EPB41L3: variants seen among roughly 807,000 people sequenced by gnomAD.
EPB41L3 encodes erythrocyte membrane protein band 4.1 like 3.
EPB41L3 carries 57 observed loss-of-function variants against 127.1 expected under a neutral mutation model. That is an observed-to-expected ratio of 0.45 (90% confidence interval 0.36 to 0.56). The LOEUF is 0.56. EPB41L3 is among the 20% of genes least tolerant of loss of function. The pLI, the probability that EPB41L3 is intolerant of heterozygous loss-of-function variation, is 0.00. For missense variants in EPB41L3, 1,273 were observed against 1,372.2 expected (o/e 0.93, Z 1.14); for synonymous variants, 572 against 549.5 (o/e 1.04, Z -0.57).
chr18:5,451,482 C>T (rs891605083), intron 3 of EPB41L3, among the ~76,000 whole-genome samples: 2 of 152,186 alleles, frequency 1.3e-5, no homozygotes, highest in African/African-American at 4.8e-5. Context: ...CTCCTTTGGA[C>T]TTTGTGGCAC....
intron 1 of EPB41L3, among the ~76,000 whole-genome samples, chr18:5,536,254 T>A (rs1022098494): frequency 7.9e-5 from 12 of 151,888 alleles, no homozygotes; most frequent in Admixed American, 1.3e-4. Flanking sequence ...TTAATTTTTT[T>A]AAATATCCTG....
At chr18:5,435,236 G>A (rs1243309894) in intron 6 of EPB41L3, among the ~76,000 whole-genome samples, 2 of 152,198 alleles carry the variant, frequency 1.3e-5, no homozygotes, top group East Asian at 3.9e-4. Flanking sequence ...ATTTATTATT[G>A]AAGAAAGAAA....
At position 5,603,590 on chromosome 18, in the gene EPB41L3, A is replaced by T. The variant is rs558655110; in HGVS notation, c.-306+8750T>A. Among the ~76,000 whole-genome samples the T allele has an allele frequency of 3.1e-3, 475 of 152,322 alleles. 1 individual carries two copies. Among genetic ancestry groups the T allele is most frequent in the Middle Eastern group, 0.01 (3 of 294 alleles). On this transcript the variant is annotated intron_variant, in intron 3 of 21. Transcript: ENST00000545076. ...ATAAGTCAGCAACTGCAGGAGCTAT[A>T]AAATTTGAAGAAGGCTGGGCATGGT...
At chr18:5,555,874 C>T (rs957098807) in intron 3 of EPB41L3, among the ~76,000 whole-genome samples, 5 of 152,200 alleles carry the variant, frequency 3.3e-5, no homozygotes, top group East Asian at 1.9e-4. Flanking sequence ...CCACTCCCGT[C>T]GGCCCAGCCA....
intron 1 of EPB41L3, among the ~76,000 whole-genome samples, chr18:5,528,068 C>T (rs573080857): frequency 3.9e-5 from 6 of 152,286 alleles, no homozygotes; most frequent in South Asian, 2.1e-4. Context: ...AAGAAAGACA[C>T]GTATGGTTAT....
At chr18:5,625,328 T>C (rs980877434) in intron 1 of EPB41L3, among the ~76,000 whole-genome samples, 1 of 151,662 alleles carries the variant, frequency 6.6e-6, no homozygotes. Flanking sequence ...GGGGATCTGA[T>C]AGAAAGGAAG....
At chr18:5,518,169 A>T (rs2092827149) in intron 1 of EPB41L3, among the ~76,000 whole-genome samples, 1 of 152,098 alleles carries the variant, frequency 6.6e-6, no homozygotes, top group African/African-American at 2.4e-5. Flanking sequence ...CAGGGAGACC[A>T]TGGCCTTTCA....
chr18:5,418,298 T>C (rs2077061747), intron 12 of EPB41L3, among the ~76,000 whole-genome samples: 1 of 152,224 alleles, frequency 6.6e-6, no homozygotes. Flanking sequence ...AGCTTAGTGC[T>C]ACGTTTTATA....
rs745501047 is a variant in EPB41L3 at position 5,466,975 on chromosome 18, A to G, written c.381+11266T>C. 1.8e-4 allele frequency among the ~76,000 whole-genome samples: 28 copies of G among 152,214 alleles called. 1 individual carries two copies. The highest frequency in any genetic ancestry group is 1.5e-4 in the Non-Finnish European group (10 of 68,044). On this transcript the variant is annotated intron_variant, in intron 3 of 22. Coordinates refer to ENST00000341928, the MANE Select transcript of EPB41L3 (RefSeq NM_012307.5). ...CTGCCTTTCACGGGGGAAATGCTGT[A>G]ATTATGAAACAAACTGGCAATTGAT...
intron 2 of EPB41L3, among the ~76,000 whole-genome samples, chr18:5,612,933 G>A (rs1325397379): frequency 6.6e-6 from 1 of 152,148 alleles, no homozygotes; most frequent in Non-Finnish European, 1.5e-5. Flanking sequence ...TAGAGACGAG[G>A]TTTCACCATG....
At chr18:5,451,302 G>C (rs2082249618) in intron 3 of EPB41L3, among the ~76,000 whole-genome samples, 1 of 152,190 alleles carries the variant, frequency 6.6e-6, no homozygotes, top group African/African-American at 2.4e-5. Context: ...AGCTCACTGA[G>C]TTAAACAGTT....
chr18:5,597,783 C>A (rs767530489), intron 3 of EPB41L3, among the ~76,000 whole-genome samples: 1 of 152,238 alleles, frequency 6.6e-6, no homozygotes, highest in South Asian at 2.1e-4. Flanking sequence ...CTGTCTTCCA[C>A]ACAGTCTTAC....
At chr18:5,522,221 A>G (rs1269717811) in intron 1 of EPB41L3, among the ~76,000 whole-genome samples, 1 of 152,082 alleles carries the variant, frequency 6.6e-6, no homozygotes, top group African/African-American at 2.4e-5. Context: ...CTTCTGCCTC[A>G]GCCTCCCGAG....
At chr18:5,603,322 A>T (rs1238680873) in intron 3 of EPB41L3, among the ~76,000 whole-genome samples, 4 of 152,154 alleles carry the variant, frequency 2.6e-5, no homozygotes, top group African/African-American at 9.7e-5. Context: ...CCTCCAACCC[A>T]AATCATGGGA....
chr18:5,404,531 A>C (rs1312420267), intron 16 of EPB41L3, among the ~76,000 whole-genome samples: 1 of 152,196 alleles, frequency 6.6e-6, no homozygotes, highest in Non-Finnish European at 1.5e-5. Context: ...ATCCAGGGAA[A>C]GTTCAGTATA....
chr18:5,451,271 T>C (rs541798143), intron 3 of EPB41L3, among the ~76,000 whole-genome samples: 2 of 152,232 alleles, frequency 1.3e-5, no homozygotes, highest in Non-Finnish European at 2.9e-5. Context: ...TTAGATCTTT[T>C]GGCTTCATAC....
intron 13 of EPB41L3, 150 bp from the exon 14 acceptor site, chr18:5,410,769 G>A: frequency 1.6e-6 from 1 of 622,104 alleles, no homozygotes; most frequent in Admixed American, 2.5e-5. Flanking sequence ...AAGAACACAA[G>A]TTCAAGCAAA....
chr18:5,535,641 G>C (rs2093550621), intron 1 of EPB41L3, among the ~76,000 whole-genome samples: 1 of 152,146 alleles, frequency 6.6e-6, no homozygotes, highest in Non-Finnish European at 1.5e-5. Flanking sequence ...ATGCCCCGAT[G>C]GCATCATCTC....
Position 5,395,722 on chromosome 18 carries a change from G to A in EPB41L3, c.2974-15C>T, listed in dbSNP as rs367734348. ...CCTGGATCGACCTAAAGCAGCAGAG[G>A]CATAGACCCCTCATCCAGGTGCTCA... On this transcript the variant is annotated splice_polypyrimidine_tract_variant and intron_variant, in intron 19 of 22. Coordinates refer to ENST00000341928, the MANE Select transcript of EPB41L3 (RefSeq NM_012307.5). 2.4e-5 allele frequency: 38 copies of A among 1,607,716 alleles called. No homozygotes were observed. The highest frequency in any genetic ancestry group is 3.3e-5 in the South Asian group (3 of 90,844).
Sources: gnomAD v4.1 joint callset for allele counts (sites outside exome capture counted in the v4.1 genomes callset) on GRCh38, gnomAD v4.1.1 for gene constraint, MANE v1.5 for transcripts, NCBI Gene and HGNC (gene_info 2026-07-23, HGNC 2026-07-21) for gene names.